Variants in CDH13 observed in about 807,000 individuals in gnomAD.
CDH13 encodes the protein cadherin-13.
In CDH13, 24 loss-of-function variants were observed where a neutral mutation model predicts 63.8. The ratio of observed to expected loss-of-function variants is 0.38; its 90% CI spans 0.27 to 0.53. The LOEUF (loss-of-function observed/expected upper bound fraction) is 0.53, where lower values mean the gene tolerates loss of function less well. Ranked by LOEUF, CDH13 falls within the 20% of genes least tolerant of loss-of-function variation. The pLI is 0.85. For synonymous variants in CDH13, 503 were observed against 355.3 expected, an observed-to-expected ratio of 1.42 and a Z score of -4.67; for missense variants, 1,049 against 903.1, an observed-to-expected ratio of 1.16 and a Z score of -2.07.
At chr16:83,529,218 C>G (rs991792207) in intron 7 of CDH13, among the ~76,000 whole-genome samples, 7 of 151,828 alleles carry the variant, frequency 4.6e-5, no homozygotes, top group African/African-American at 1.7e-4. Context: ...AGGTCAGACT[C>G]TGAAGTCCAG....
rs537987419 is a variant in CDH13, at chr16:83,313,777, A to G, written c.637-31085A>G. On this transcript the variant is annotated intron_variant, in intron 5 of 13. Coordinates refer to ENST00000567109, the MANE Select transcript of CDH13 (RefSeq NM_001257.5). ...TTATTTTAGTTAATGTTGTTAAACAATAGTGTCTGGAATTGGCTAAGGAAG... is the reference window on the plus strand; with the variant it reads ...TTATTTTAGTTAATGTTGTTAAACAGTAGTGTCTGGAATTGGCTAAGGAAG... 1.2e-4 allele frequency among the ~76,000 whole-genome samples: 18 copies of G among 152,324 alleles called. No individual in the cohort carries two copies. The East Asian group carries it at 3.3e-3, about 28-fold the overall frequency.
intron 1 of CDH13, among the ~76,000 whole-genome samples, chr16:82,636,378 C>G (rs753899236): frequency 3.9e-5 from 6 of 152,126 alleles, no homozygotes; most frequent in Non-Finnish European, 7.4e-5. Context: ...CAGTCCATGC[C>G]TGCATCTAGG....
intron 2 of CDH13, among the ~76,000 whole-genome samples, chr16:82,901,212 A>G (rs1026400486): frequency 6.6e-6 from 1 of 151,978 alleles, no homozygotes; most frequent in Non-Finnish European, 1.5e-5. Flanking sequence ...TCTTGCTCTC[A>G]TCACAGCTTA....
chr16:82,878,016 A>T (rs914837099), intron 2 of CDH13, among the ~76,000 whole-genome samples: 1 of 151,888 alleles, frequency 6.6e-6, no homozygotes, highest in African/African-American at 2.4e-5. Flanking sequence ...TGCTAAACTA[A>T]TCGAAAGTAA....
At chr16:82,957,789 T>C (rs1597293932) in intron 2 of CDH13, among the ~76,000 whole-genome samples, 1 of 152,368 alleles carries the variant, frequency 6.6e-6, no homozygotes, top group South Asian at 2.1e-4. Context: ...ATCTGGCCAA[T>C]GATTAGCACT....
intron 2 of CDH13, among the ~76,000 whole-genome samples, chr16:82,865,835 C>G (rs528760990): frequency 1.3e-5 from 2 of 152,330 alleles, no homozygotes; most frequent in East Asian, 3.9e-4. Context: ...CATCTTCAGG[C>G]TGCAAATTTT....
At chr16:82,771,265 T>G (rs575543141) in intron 1 of CDH13, among the ~76,000 whole-genome samples, 2 of 152,324 alleles carry the variant, frequency 1.3e-5, no homozygotes, top group African/African-American at 4.8e-5. Flanking sequence ...ATACTTTGAC[T>G]TATCAATTAA....
intron 1 of CDH13, among the ~76,000 whole-genome samples, chr16:82,643,825 C>G (rs1346874373): frequency 2.6e-5 from 4 of 151,986 alleles, no homozygotes; most frequent in African/African-American, 7.3e-5. Context: ...TAACTGCAGC[C>G]TTGACCACCT....
chr16:83,610,431 A>G (rs1908753509), intron 8 of CDH13, among the ~76,000 whole-genome samples: 1 of 152,218 alleles, frequency 6.6e-6, no homozygotes, highest in Admixed American at 6.5e-5. Context: ...TTCTCAACAG[A>G]TCAAACACAA....
At chr16:83,668,541 A>G (rs1222712557) in intron 8 of CDH13, among the ~76,000 whole-genome samples, 5 of 152,204 alleles carry the variant, frequency 3.3e-5, no homozygotes, top group African/African-American at 1.2e-4. Flanking sequence ...GTGTCAGAAG[A>G]ACCACAAGGA....
At chr16:83,319,785 G>A (rs977055546) in intron 5 of CDH13, among the ~76,000 whole-genome samples, 7 of 152,130 alleles carry the variant, frequency 4.6e-5, no homozygotes, top group Non-Finnish European at 8.8e-5. Flanking sequence ...GAGAACACAG[G>A]GAAAGCTTGA....
chr16:82,867,717 G>C (rs890496667), intron 2 of CDH13, among the ~76,000 whole-genome samples: 3 of 152,332 alleles, frequency 2.0e-5, no homozygotes, highest in Admixed American at 1.3e-4. Context: ...AAAAGCATGT[G>C]AGAGGTGTTT....
At chr16:83,562,054 G>A (rs955129235) in intron 7 of CDH13, among the ~76,000 whole-genome samples, 2 of 152,176 alleles carry the variant, frequency 1.3e-5, no homozygotes, top group African/African-American at 2.4e-5. Context: ...CAGGACCTTG[G>A]AGAGCTCATG....
At chr16:83,131,504 G>A (rs1434970824) in intron 4 of CDH13, among the ~76,000 whole-genome samples, 1 of 151,782 alleles carries the variant, frequency 6.6e-6, no homozygotes, top group Non-Finnish European at 1.5e-5. Context: ...TCAAAATTTG[G>A]GCCATAAATA....
intron 5 of CDH13, among the ~76,000 whole-genome samples, chr16:83,328,756 G>A (rs1387691920): frequency 6.6e-6 from 1 of 152,054 alleles, no homozygotes; most frequent in Non-Finnish European, 1.5e-5. Context: ...AGGCTTCTTT[G>A]ACTCAGGCAT....
Position 82,822,226 on chromosome 16 carries a change from A to G in CDH13, c.46-36136A>G, listed in dbSNP as rs191506566. Among the ~76,000 whole-genome samples the G allele has an allele frequency of 1.6e-4, 24 of 152,354 alleles. No individual in the cohort carries two copies. In the East Asian group the frequency reaches 3.9e-3, roughly 25 times the overall value. ...ATAAATAAAACTTGAATGCTTCCAA[A>G]TGTCTATCAAAAGAACACAGGTTGA... On this transcript the variant is annotated intron_variant, in intron 1 of 13. Coordinates refer to ENST00000567109, the MANE Select transcript of CDH13 (RefSeq NM_001257.5).
chr16:82,895,109 G>T (rs528280071), intron 2 of CDH13, among the ~76,000 whole-genome samples: 1 of 152,134 alleles, frequency 6.6e-6, no homozygotes, highest in Non-Finnish European at 1.5e-5. Flanking sequence ...GGCATTTAGC[G>T]TATTTGCAGT....
chr16:83,519,936 G>C (rs529099158), intron 7 of CDH13, among the ~76,000 whole-genome samples: 55 of 152,042 alleles, frequency 3.6e-4, no homozygotes, highest in South Asian at 2.9e-3. Flanking sequence ...TGTTGAGTTT[G>C]AAAAATAAAT....
intron 10 of CDH13, among the ~76,000 whole-genome samples, chr16:83,687,291 A>T (rs1225973761): frequency 6.6e-6 from 1 of 152,194 alleles, no homozygotes; most frequent in Non-Finnish European, 1.5e-5. Context: ...TGGGTAATTT[A>T]TAAAGAAAAT....
Sources: gnomAD v4.1 joint callset for allele counts (sites outside exome capture counted in the v4.1 genomes callset) on GRCh38, gnomAD v4.1.1 for gene constraint, MANE v1.5 for transcripts, NCBI Gene and HGNC (gene_info 2026-07-23, HGNC 2026-07-21) for gene names.